ADGRL3: variants seen among roughly 807,000 people sequenced by gnomAD.
ADGRL3 encodes calcium-independent alpha-latrotoxin receptor 3.
Under a neutral mutation model 153.5 loss-of-function variants are expected in ADGRL3, and 62 were observed. That is an observed-to-expected ratio of 0.40 (90% CI 0.33 to 0.50). The LOEUF (loss-of-function observed/expected upper bound fraction) is 0.50. Among genes scored for constraint, ADGRL3 ranks in the 20% least tolerant of loss-of-function variants. ADGRL3 has a pLI of 0.47. For missense variants in ADGRL3, 1,641 were observed against 1,859.4 expected (o/e 0.88, Z 2.16); for synonymous variants, 710 against 672.5 (o/e 1.06, Z -0.86).
chr4:61,838,345 C>T (rs1328014363), intron 9 of ADGRL3, among the ~76,000 whole-genome samples: 1 of 152,056 alleles, frequency 6.6e-6, no homozygotes, highest in African/African-American at 2.4e-5. Flanking sequence ...AATTACTGGG[C>T]ACAGTATTAA....
intron 2 of ADGRL3, among the ~76,000 whole-genome samples, chr4:61,431,680 C>G (rs1361361688): frequency 6.6e-6 from 1 of 152,080 alleles, no homozygotes; most frequent in Non-Finnish European, 1.5e-5. Context: ...AAAGCAAGAA[C>G]ATTTTAAGAG....
rs1178898592 is a variant in ADGRL3, at chr4:62,070,885, G to T, written c.4609G>T (p.Ala1537Ser). The change falls in exon 27 of 27, where the codon GCT becomes TCT. Residue 1537 changes from alanine (A) to serine (S), a missense_variant. Physicochemically the swap from Ala to Ser is moderately conservative, Grantham distance 99. This residue lies in a region of ADGRL3 where 517 missense variants were observed against 555.0 expected (regional missense o/e 0.93). Coordinates refer to ENST00000683033, the MANE Select transcript of ADGRL3 (RefSeq NM_001387552.1). ...TCCCGAGGGAAGTTCAAAAGGACCG[G>T]CTCATTTGGTCACTAGTCTATAGAA... ...TPPEGSSKGP[A>S]HLVTSL The T allele has an allele frequency of 6.5e-7, 1 of 1,550,174 alleles. No homozygotes were observed. Among genetic ancestry groups the T allele is most frequent in the East Asian group, 2.4e-5 (1 of 40,888 alleles).
chr4:61,355,362 A>G (rs1471843054), intron 1 of ADGRL3, among the ~76,000 whole-genome samples: 1 of 152,066 alleles, frequency 6.6e-6, no homozygotes, highest in Non-Finnish European at 1.5e-5. Flanking sequence ...CTCAGAATAT[A>G]TATTATGTGT....
At chr4:61,264,133 C>G (rs188594176) in intron 1 of ADGRL3, among the ~76,000 whole-genome samples, 4 of 152,082 alleles carry the variant, frequency 2.6e-5, no homozygotes, top group Non-Finnish European at 5.9e-5. Context: ...TTTTATTCAG[C>G]CTAATAACAA....
chr4:61,849,153 T>C (rs185301862), intron 9 of ADGRL3, among the ~76,000 whole-genome samples: 1 of 152,194 alleles, frequency 6.6e-6, no homozygotes, highest in African/African-American at 2.4e-5. Flanking sequence ...GATTCCTTTT[T>C]TCTCCACTTT....
intron 17 of ADGRL3, among the ~76,000 whole-genome samples, chr4:61,973,979 T>G (rs1056904345): frequency 6.6e-6 from 1 of 152,138 alleles, no homozygotes; most frequent in African/African-American, 2.4e-5. Flanking sequence ...TTTGTTTTGT[T>G]TTCTCCCAGA....
chr4:62,077,377 A>G lies in ADGRL3; in HGVS notation c.*6469A>G, dbSNP rs1577802475. The G allele has an allele frequency of 6.6e-6, 1 of 151,968 alleles. No homozygotes were observed. Among genetic ancestry groups the G allele is most frequent in the South Asian group, 2.1e-4 (1 of 4,834 alleles). 9.4% of individuals were successfully genotyped at this position (151,968 alleles called of 1,614,324 possible). On this transcript the variant is annotated 3_prime_UTR_variant, in exon 27 of 27. Coordinates refer to ENST00000683033, the MANE Select transcript of ADGRL3 (RefSeq NM_001387552.1). ...TGTCTCAATGATCCAAGACTACAAA[A>G]TTTCTTGCTACATTGGCAAGGAAAT...
intron 1 of ADGRL3, among the ~76,000 whole-genome samples, chr4:61,329,142 G>C (rs1398568502): frequency 6.6e-6 from 1 of 152,086 alleles, no homozygotes; most frequent in African/African-American, 2.4e-5. Context: ...CTAGATGAAA[G>C]GATGCGTATT....
In ADGRL3 at chr4:61,750,819, G is replaced by A. The variant is rs373888740; in HGVS notation, c.1399+17265G>A. 4.0e-4 allele frequency among the ~76,000 whole-genome samples: 56 copies of A among 141,734 alleles called. 1 individual carries two copies. Among genetic ancestry groups the A allele is most frequent in the African/African-American group, 1.5e-3 (50 of 34,452 alleles). 93.0% of individuals were successfully genotyped at this position (141,734 alleles called of 152,430 possible). A position where few individuals can be genotyped will look rare whatever the true frequency, so the allele number is the denominator to read the frequency against. ...AAGAAAAAAAAAAAAAAAAGTCAAA[G>A]CAGATAAGCTAAAGGAGCAAATAAA... On this transcript the variant is annotated intron_variant, in intron 8 of 26. Transcript: ENST00000683033.
intron 8 of ADGRL3, among the ~76,000 whole-genome samples, chr4:61,739,603 G>A (rs1009712940): frequency 4.6e-5 from 7 of 152,152 alleles, no homozygotes; most frequent in African/African-American, 1.4e-4. Context: ...CAAGATACTA[G>A]GTGAATAGGA....
chr4:61,298,240 C>T (rs914266546), intron 1 of ADGRL3, among the ~76,000 whole-genome samples: 6 of 151,992 alleles, frequency 3.9e-5, no homozygotes, highest in African/African-American at 1.2e-4. Context: ...CCCCCTCGCC[C>T]CCCAAATGCA....
rs561281894 is a variant in ADGRL3, at chr4:61,273,991, C to A, written c.-240+72226C>A. Among the ~76,000 whole-genome samples the A allele has an allele frequency of 4.6e-5, 7 of 152,158 alleles. No homozygotes were observed. The South Asian group carries it at 8.3e-4, about 18-fold the overall frequency. Reference sequence around the variant, plus strand: ...TAAAGACTCTATTGTCTTTGGCAATCCCATTTATAATAAAGCATGCTAAGG... The same window carrying A: ...TAAAGACTCTATTGTCTTTGGCAATACCATTTATAATAAAGCATGCTAAGG... On this transcript the variant is annotated intron_variant, in intron 1 of 26. Coordinates refer to ENST00000683033, the MANE Select transcript of ADGRL3 (RefSeq NM_001387552.1).
At chr4:61,745,440 T>A (rs2151969773) in intron 8 of ADGRL3, among the ~76,000 whole-genome samples, 1 of 151,766 alleles carries the variant, frequency 6.6e-6, no homozygotes, top group African/African-American at 2.4e-5. Context: ...AAGGAAAAAA[T>A]GTTAAGGGCA....
At chr4:61,863,943 T>C (rs1302356806) in intron 9 of ADGRL3, among the ~76,000 whole-genome samples, 1 of 152,192 alleles carries the variant, frequency 6.6e-6, no homozygotes, top group Non-Finnish European at 1.5e-5. Flanking sequence ...CTATGAAGGT[T>C]TGGTCAGAAT....
At chr4:61,399,590 T>C (rs1254770824) in intron 2 of ADGRL3, among the ~76,000 whole-genome samples, 1 of 151,630 alleles carries the variant, frequency 6.6e-6, no homozygotes, top group Non-Finnish European at 1.5e-5. Flanking sequence ...AAGAGAAATG[T>C]CACTCTTCCA....
intron 1 of ADGRL3, among the ~76,000 whole-genome samples, chr4:61,217,403 C>T (rs1462632262): frequency 6.6e-6 from 1 of 152,132 alleles, no homozygotes; most frequent in Admixed American, 6.5e-5. Flanking sequence ...ATCAGAAGAG[C>T]TCATCACAGA....
At chr4:61,487,318 G>A (rs901219890) in intron 2 of ADGRL3, among the ~76,000 whole-genome samples, 1 of 152,106 alleles carries the variant, frequency 6.6e-6, no homozygotes, top group Non-Finnish European at 1.5e-5. Flanking sequence ...TTGCCAATTA[G>A]GAATAAGATA....
At chr4:61,364,316 A>G in intron 1 of ADGRL3, among the ~76,000 whole-genome samples, 1 of 143,122 alleles carries the variant, frequency 7.0e-6, no homozygotes, top group African/African-American at 2.5e-5. Context: ...CTGGTGACAG[A>G]GTGAGACTCC....
intron 6 of ADGRL3, among the ~76,000 whole-genome samples, chr4:61,698,467 A>G (rs2095684561): frequency 6.6e-6 from 1 of 151,912 alleles, no homozygotes; most frequent in Non-Finnish European, 1.5e-5. Context: ...CAACAACAAC[A>G]ACAACAACAA....
Sources: gnomAD v4.1 joint callset for allele counts (sites outside exome capture counted in the v4.1 genomes callset) on GRCh38, gnomAD v4.1.1 for gene constraint, gnomAD v4.1.1 regional missense constraint, MANE v1.5 for transcripts, NCBI Gene and HGNC (gene_info 2026-07-23, HGNC 2026-07-21) for gene names.